FCRL2: variants seen among roughly 807,000 people sequenced by gnomAD.
FCRL2 encodes Fc receptor-like protein 2.
In FCRL2, 48 loss-of-function variants were observed where a neutral mutation model predicts 59.8. The observed-to-expected ratio is 0.80, with a 90% confidence interval of 0.64 to 1.02. FCRL2 has a LOEUF of 1.02. Ranked by LOEUF, FCRL2 falls within the 50% of genes least tolerant of loss-of-function variation. The pLI, the probability that FCRL2 is intolerant of heterozygous loss-of-function variation, is 0.00. For missense variants in FCRL2, 658 were observed against 597.3 expected (o/e 1.10, Z -1.06); for synonymous variants, 251 against 229.5 (o/e 1.09, Z -0.85).
intron 7 of FCRL2, 55 bp downstream of exon 7, chr1:157,766,800 A>C: frequency 6.2e-7 from 1 of 1,605,222 alleles, no homozygotes; most frequent in Middle Eastern, 1.7e-4. Context: ...TTCAATCTAT[A>C]TCAGTAGTGG....
chr1:157,770,388 C>T (rs1394955039), intron 3 of FCRL2, 21 bp downstream of exon 3: 1 of 1,560,910 alleles, frequency 6.4e-7, no homozygotes, highest in African/African-American at 1.9e-5. Context: ...CCAGCCCATC[C>T]CACAGAAGTC....
At chr1:157,764,707 C>T (rs1231002927) in intron 7 of FCRL2, among the ~76,000 whole-genome samples, 1 of 152,140 alleles carries the variant, frequency 6.6e-6, no homozygotes, top group African/African-American at 2.4e-5. Flanking sequence ...AATTAAACAA[C>T]ATGCTGCTAA....
chr1:157,776,974 C>T, intron 1 of FCRL2, 69 bp downstream of exon 1: 1 of 1,491,176 alleles, frequency 6.7e-7, no homozygotes, highest in South Asian at 1.1e-5. Context: ...AATAAAACCT[C>T]CAACCTTTTG....
intron 5 of FCRL2, chr1:157,767,959 G>C (rs546468147): frequency 1.2e-3 from 316 of 270,088 alleles, no homozygotes; most frequent in Non-Finnish European, 1.6e-3. Flanking sequence ...ATGGCTACTT[G>C]GCTACAACAC....
chr1:157,766,321 A>C (rs1375945495), intron 7 of FCRL2, among the ~76,000 whole-genome samples: 3 of 152,094 alleles, frequency 2.0e-5, no homozygotes, highest in Admixed American at 6.6e-5. Context: ...AATACAAAAA[A>C]TTAGCCGGGT....
At chr1:157,765,577 T>C (rs1300263075) in intron 7 of FCRL2, among the ~76,000 whole-genome samples, 1 of 152,198 alleles carries the variant, frequency 6.6e-6, no homozygotes, top group Non-Finnish European at 1.5e-5. Flanking sequence ...GAGAAAAACC[T>C]AACTTCTGAA....
At chr1:157,770,380 A>G in intron 3 of FCRL2, 29 bp downstream of exon 3, 2 of 1,574,550 alleles carry the variant, frequency 1.3e-6, no homozygotes, top group South Asian at 1.1e-5. Flanking sequence ...TCTCTCACCC[A>G]GCCCATCCCA....
chr1:157,757,789 C>T (rs190171116), intron 7 of FCRL2, among the ~76,000 whole-genome samples: 228 of 152,194 alleles, frequency 1.5e-3, no homozygotes, highest in Non-Finnish European at 2.9e-3. Flanking sequence ...AGTGAAACCC[C>T]GTCTCTACTA....
Position 157,768,964 on chromosome 1 carries a change from T to G in FCRL2, c.596-263A>C, listed in dbSNP as rs1338882412. On this transcript the variant is annotated intron_variant, in intron 4 of 11. Coordinates refer to ENST00000361516, the MANE Select transcript of FCRL2 (RefSeq NM_030764.4). Reference sequence around the variant, plus strand: ...GATAGATCTCCATGAGACAGGAAACTGTTCAATTTTTTGGATGAGTCAAAG... The same window carrying G: ...GATAGATCTCCATGAGACAGGAAACGGTTCAATTTTTTGGATGAGTCAAAG... 2.2e-5 allele frequency: 8 copies of G among 367,644 alleles called. No individual in the cohort carries two copies. The East Asian group carries it at 3.3e-4, about 15-fold the overall frequency. 22.8% of individuals were successfully genotyped at this position (367,644 alleles called of 1,614,324 possible).
intron 5 of FCRL2, chr1:157,768,080 TA>T (rs537431683): frequency 2.5e-4 from 64 of 253,600 alleles, no homozygotes; most frequent in African/African-American, 1.0e-3. Context: ...GGAGATGACA[TA>T]AAATGAAGCA....
chr1:157,768,298 CT>C (rs1649683570), intron 5 of FCRL2, 115 bp downstream of exon 5: 4 of 1,076,082 alleles, frequency 3.7e-6, no homozygotes, highest in African/African-American at 1.6e-5. Flanking sequence ...TTTCAAATTG[CT>C]TTTGGTTCTC....
intron 10 of FCRL2, among the ~76,000 whole-genome samples, chr1:157,747,852 T>A (rs191278004): frequency 6.6e-6 from 1 of 152,330 alleles, no homozygotes; most frequent in Admixed American, 6.5e-5. Flanking sequence ...ATATGAAGAC[T>A]ACAGATCCTT....
intron 1 of FCRL2, among the ~76,000 whole-genome samples, chr1:157,776,736 T>A (rs1650445533): frequency 6.6e-6 from 1 of 152,216 alleles, no homozygotes; most frequent in African/African-American, 2.4e-5. Context: ...GCTAATATTA[T>A]GAACATTTTA....
chr1:157,755,871 G>A (rs1648552374), intron 7 of FCRL2, among the ~76,000 whole-genome samples: 1 of 152,138 alleles, frequency 6.6e-6, no homozygotes, highest in African/African-American at 2.4e-5. Flanking sequence ...GCTAAGAGTG[G>A]GAGCCTCTGA....
intron 7 of FCRL2, among the ~76,000 whole-genome samples, chr1:157,760,563 A>G (rs1648944753): frequency 6.6e-6 from 1 of 151,368 alleles, no homozygotes; most frequent in African/African-American, 2.4e-5. Context: ...GGGAGGTGGA[A>G]GTTGCAGTGA....
chr1:157,770,638 A>C lies in FCRL2; in HGVS notation c.81T>G (p.Ser27=). 1 of 1,612,386 alleles carries C rather than the reference A, an allele frequency of 6.2e-7. No individual in the cohort carries two copies. The highest frequency in any genetic ancestry group is 8.5e-7 in the Non-Finnish European group (1 of 1,179,998). Residue 27 remains serine (S), a synonymous_variant, in exon 3 of 12, where the codon TCT becomes TCG. Coordinates refer to ENST00000361516, the MANE Select transcript of FCRL2 (RefSeq NM_030764.4). ...GAACGATGCTGTCTCCTTCGAAGAC[A>C]GAAGAGGGCGCCACAAGGGTCAGCG... is the stretch of plus-strand genomic sequence containing the variant. The part of the protein sequence containing the change: ...ADSLTLVAPS[S]VFEGDSIVLK...
At position 157,768,402 on chromosome 1, in the gene FCRL2, A is replaced by C. The variant is rs1285104703; in HGVS notation, c.883+12T>G. ...GGAATTTCTGGAAGATATGAATGAG[A>C]GTGTCACTCACTTCTCACAGGGATA... On this transcript the variant is annotated intron_variant, in intron 5 of 11. Transcript: ENST00000361516. 1 of 1,609,296 alleles carries C rather than the reference A, an allele frequency of 6.2e-7. No individual in the cohort carries two copies. The highest frequency in any genetic ancestry group is 8.5e-7 in the Non-Finnish European group (1 of 1,176,804).
chr1:157,767,251 G>A lies in FCRL2; in HGVS notation c.1142C>T (p.Ala381Val), dbSNP rs763566545. 6.2e-6 allele frequency: 10 copies of A among 1,613,456 alleles called. No individual in the cohort carries two copies. The African/African-American group carries it at 1.1e-4, about 17-fold the overall frequency. The change falls in exon 6 of 12, where the codon GCA becomes GTA. Residue 381 changes from alanine to valine, a missense_variant. Transcript: ENST00000361516. ...CCCACCTGAGATGGAGACTGGCACT[G>A]CCTCACTGCACTGGGCCCCCAGGCC... ...NNGLGAQCSE[A>V]VPVSISGPDG...
chr1:157,749,148 T>C (rs2101665249), intron 8 of FCRL2, among the ~76,000 whole-genome samples, 188 bp from the exon 9 acceptor site: 1 of 152,260 alleles, frequency 6.6e-6, no homozygotes, highest in South Asian at 2.1e-4. Context: ...TCTTTGGCTT[T>C]TTCAAAAGTT....
Sources: allele counts gnomAD v4.1 joint callset (sites outside exome capture counted in the v4.1 genomes callset), GRCh38; gene constraint gnomAD v4.1.1; transcripts MANE v1.5; gene names NCBI Gene and HGNC (gene_info 2026-07-23, HGNC 2026-07-21).